CAMKMT: variants seen among roughly 807,000 people sequenced by gnomAD.
The protein encoded by CAMKMT is CaM KMT.
Under a neutral mutation model 48.0 loss-of-function variants are expected in CAMKMT, and 53 were observed. The observed-to-expected ratio is 1.10, with a 90% CI of 0.89 to 1.39. CAMKMT has a LOEUF of 1.39. Among genes scored for constraint, CAMKMT ranks in the 40% most tolerant of loss-of-function variants. CAMKMT has a pLI of 0.00. For synonymous variants in CAMKMT, 165 were observed against 152.3 expected, an observed-to-expected ratio of 1.08 and a Z score of -0.61; for missense variants, 428 against 402.7, an observed-to-expected ratio of 1.06 and a Z score of -0.54.
At chr2:44,698,608 G>C (rs1175410278) in intron 3 of CAMKMT, among the ~76,000 whole-genome samples, 2 of 152,216 alleles carry the variant, frequency 1.3e-5, no homozygotes, top group South Asian at 4.1e-4. Context: ...TGAGCTTTCT[G>C]TGAGTTGTCA....
intron 3 of CAMKMT, among the ~76,000 whole-genome samples, chr2:44,435,605 C>T (rs935673835): frequency 6.6e-6 from 1 of 152,152 alleles, no homozygotes; most frequent in Non-Finnish European, 1.5e-5. Context: ...TAGATTCTGG[C>T]TTTCCAGTAG....
chr2:44,548,805 C>G (rs1667544083), intron 3 of CAMKMT, among the ~76,000 whole-genome samples: 1 of 152,100 alleles, frequency 6.6e-6, no homozygotes, highest in Non-Finnish European at 1.5e-5. Flanking sequence ...CTACAAGGAG[C>G]TGAATTTTGC....
At chr2:44,366,695 A>G (rs1468779509) in intron 1 of CAMKMT, among the ~76,000 whole-genome samples, 1 of 149,568 alleles carries the variant, frequency 6.7e-6, no homozygotes, top group Non-Finnish European at 1.5e-5. Flanking sequence ...CACATCATAG[A>G]CTCAAAATAA....
rs112184407 is a variant in CAMKMT at position 44,633,213 on chromosome 2, C to G, written c.377-71070C>G. Among the ~76,000 whole-genome samples the G allele has an allele frequency of 2.0e-3, 310 of 152,124 alleles. 1 individual carries two copies. In the Middle Eastern group the frequency reaches 0.024, roughly 12 times the overall value. On this transcript the variant is annotated intron_variant, in intron 3 of 10. Coordinates refer to ENST00000378494, the MANE Select transcript of CAMKMT (RefSeq NM_024766.5). ...GGAGTGGTGATTATAAAAAAGAGAA[C>G]TTTATCACTGGTTTTTAGTAATTTG...
intron 2 of CAMKMT, among the ~76,000 whole-genome samples, chr2:44,381,722 G>A (rs1433228208): frequency 2.0e-5 from 3 of 152,088 alleles, no homozygotes; most frequent in Non-Finnish European, 2.9e-5. Context: ...ATAACAAATT[G>A]CAAAACAATA....
chr2:44,453,547 G>C (rs1289770963), intron 3 of CAMKMT, among the ~76,000 whole-genome samples: 1 of 152,062 alleles, frequency 6.6e-6, no homozygotes, highest in East Asian at 1.9e-4. Context: ...AATTCAAGTT[G>C]ACAGCTTGGC....
chr2:44,730,742 A>G lies in CAMKMT; in HGVS notation c.624-12880A>G, dbSNP rs186349193. Among the ~76,000 whole-genome samples the G allele has an allele frequency of 1.8e-4, 27 of 152,362 alleles. No individual in the cohort carries two copies. In the East Asian group the frequency reaches 4.8e-3, roughly 27 times the overall value. On this transcript the variant is annotated intron_variant, in intron 7 of 10. Coordinates refer to ENST00000378494, the MANE Select transcript of CAMKMT (RefSeq NM_024766.5). ...TCATTTGAAAGAAGAGAAGTGATTC[A>G]CTGGTTTGGGTAAACACTGTAAATG...
rs534748294 is a variant in CAMKMT at position 44,707,472 on chromosome 2, T to C, written c.556+10T>C. On this transcript the variant is annotated intron_variant, in intron 6 of 10. Coordinates refer to ENST00000378494, the MANE Select transcript of CAMKMT (RefSeq NM_024766.5). The stretch of plus-strand genomic sequence containing the variant: ...GAAAAGGCCATCAGAAGTATCCTTA[T>C]TCAGATAGAAAACGGGTTTGTTGTG... 4.3e-6 allele frequency: 7 copies of C among 1,610,536 alleles called. No homozygotes were observed. The East Asian group carries it at 1.1e-4, about 26-fold the overall frequency.
At chr2:44,471,436 A>G (rs1206032883) in intron 3 of CAMKMT, among the ~76,000 whole-genome samples, 1 of 152,074 alleles carries the variant, frequency 6.6e-6, no homozygotes, top group African/African-American at 2.4e-5. Flanking sequence ...CGTCTCTAAA[A>G]AATATATACA....
At chr2:44,624,053 C>T (rs755873325) in intron 3 of CAMKMT, among the ~76,000 whole-genome samples, 5 of 152,122 alleles carry the variant, frequency 3.3e-5, no homozygotes, top group Non-Finnish European at 5.9e-5. Context: ...TTCCACCCAA[C>T]TGTTGATAAA....
chr2:44,706,256 T>C (rs1677554090), intron 4 of CAMKMT, 31 bp from the exon 5 acceptor site: 2 of 1,610,692 alleles, frequency 1.2e-6, no homozygotes, highest in Non-Finnish European at 1.7e-6. Context: ...CTAATTTGTA[T>C]GGGTTCTACC....
intron 3 of CAMKMT, among the ~76,000 whole-genome samples, chr2:44,654,488 G>A (rs1674260096): frequency 6.6e-6 from 1 of 152,022 alleles, no homozygotes. Context: ...ACATATTCAT[G>A]GGGTCATATG....
intron 3 of CAMKMT, among the ~76,000 whole-genome samples, chr2:44,586,856 G>T (rs1476120321): frequency 1.3e-5 from 2 of 152,146 alleles, no homozygotes; most frequent in Non-Finnish European, 1.5e-5. Flanking sequence ...CATGTGGTAG[G>T]TATATGTTTA....
At chr2:44,455,069 A>C (rs1667488311) in intron 3 of CAMKMT, among the ~76,000 whole-genome samples, 1 of 152,140 alleles carries the variant, frequency 6.6e-6, no homozygotes. Context: ...ATGAGATGCT[A>C]AGATAAGCAC....
At chr2:44,709,696 T>C (rs1037464387) in intron 6 of CAMKMT, among the ~76,000 whole-genome samples, 3 of 152,184 alleles carry the variant, frequency 2.0e-5, no homozygotes, top group African/African-American at 7.2e-5. Flanking sequence ...TGCATATAGA[T>C]TGAAACAAAC....
chr2:44,513,642 A>G (rs190290688), intron 3 of CAMKMT, among the ~76,000 whole-genome samples: 6 of 152,274 alleles, frequency 3.9e-5, no homozygotes, highest in African/African-American at 1.4e-4. Context: ...TCTTCTAATC[A>G]TAGCCCACAG....
chr2:44,728,916 C>A (rs1390928020), intron 7 of CAMKMT, among the ~76,000 whole-genome samples: 1 of 112,892 alleles, frequency 8.9e-6, no homozygotes, highest in Non-Finnish European at 1.7e-5. Context: ...ATTTCTTAAT[C>A]TGGGTGGTGG....
At chr2:44,527,561 A>G (rs561832220) in intron 3 of CAMKMT, among the ~76,000 whole-genome samples, 1 of 151,076 alleles carries the variant, frequency 6.6e-6, no homozygotes, top group African/African-American at 2.4e-5. Flanking sequence ...TTTAATGTCA[A>G]ATCTTTAATA....
chr2:44,654,300 G>A (rs1430635861), intron 3 of CAMKMT, among the ~76,000 whole-genome samples: 1 of 151,832 alleles, frequency 6.6e-6, no homozygotes, highest in Non-Finnish European at 1.5e-5. Context: ...TTACATGAAG[G>A]CAAAATTGAA....
Sources: allele counts gnomAD v4.1 joint callset (sites outside exome capture counted in the v4.1 genomes callset), GRCh38; gene constraint gnomAD v4.1.1; transcripts MANE v1.5; gene names NCBI Gene and HGNC (gene_info 2026-07-23, HGNC 2026-07-21).